The following CTTNBP2 variants were observed in gnomAD, a reference collection of about 807,000 sequenced individuals.
CTTNBP2 encodes cortactin-binding protein 2.
A neutral mutation model predicts 156.9 loss-of-function variants in CTTNBP2; 108 were observed. The ratio of observed to expected loss-of-function variants is 0.69; its 90% CI spans 0.59 to 0.81. CTTNBP2 has a LOEUF of 0.81. Ranked by LOEUF, CTTNBP2 falls within the 30% of genes least tolerant of loss-of-function variation. The pLI is 0.00. For synonymous variants in CTTNBP2, 767 were observed against 751.8 expected (o/e 1.02, Z -0.33); for missense variants, 1,924 against 2,035.4 (o/e 0.95, Z 1.05).
chr7:117,807,041 G>C (rs769413357), intron 3 of CTTNBP2, among the ~76,000 whole-genome samples: 4 of 152,134 alleles, frequency 2.6e-5, no homozygotes, highest in Non-Finnish European at 5.9e-5. Flanking sequence ...ACAGGGGTGA[G>C]CCACCATGCC....
intron 7 of CTTNBP2, 70 bp from the exon 8 acceptor site, chr7:117,777,835 T>G (rs1321186346): frequency 6.2e-6 from 9 of 1,453,474 alleles, no homozygotes; most frequent in Non-Finnish European, 7.5e-6. Flanking sequence ...TTATTGAAAG[T>G]TCACTTCTAA....
At chr7:117,789,824 G>T (rs544857226) in intron 4 of CTTNBP2, among the ~76,000 whole-genome samples, 15 of 152,082 alleles carry the variant, frequency 9.9e-5, no homozygotes, top group Non-Finnish European at 1.9e-4. Flanking sequence ...CACCAAAAAT[G>T]CACAATTGTA....
chr7:117,784,035 C>T (rs1385050078), intron 5 of CTTNBP2, among the ~76,000 whole-genome samples: 1 of 152,124 alleles, frequency 6.6e-6, no homozygotes, highest in African/African-American at 2.4e-5. Flanking sequence ...TTACTTTTTA[C>T]TAGCTCTGGT....
chr7:117,836,619 TAAGAAATACGTCACTCTTGTACAA>T (rs1176034128), intron 2 of CTTNBP2, among the ~76,000 whole-genome samples: 1 of 152,176 alleles, frequency 6.6e-6, no homozygotes, highest in African/African-American at 2.4e-5. Flanking sequence ...TTGAGAGGGT[TAAGAAATACGTCACTCTTGTACAA>T]AATACCTTAA....
chr7:117,718,345 G>A (rs887574202), intron 21 of CTTNBP2, among the ~76,000 whole-genome samples: 6 of 151,876 alleles, frequency 4.0e-5, no homozygotes, highest in Admixed American at 2.6e-4. Flanking sequence ...CACTTAAAAC[G>A]TCAAAAGAAG....
intron 1 of CTTNBP2, chr7:117,871,793 C>CCACACA (rs10545703): frequency 1.9e-5 from 4 of 211,966 alleles, no homozygotes; most frequent in African/African-American, 1.1e-4. Flanking sequence ...AAGAAACACA[C>CCACACA]CACACACACA....
chr7:117,842,194 C>T (rs1367699205), intron 2 of CTTNBP2, among the ~76,000 whole-genome samples: 3 of 152,148 alleles, frequency 2.0e-5, no homozygotes, highest in African/African-American at 7.2e-5. Flanking sequence ...AAAACTAAAA[C>T]TGCTCCGAAA....
rs1584932725 is a variant in CTTNBP2, at chr7:117,743,899, CTG to C, written c.3535+1930_3535+1931del. Among the ~76,000 whole-genome samples the C allele has an allele frequency of 2.0e-5, 3 of 151,266 alleles. No homozygotes were observed. In the East Asian group the frequency reaches 5.9e-4, roughly 30 times the overall value. ...ACTTTCACTAATTTCTAGCCCAAGACTGGCCTGTGTAGTACAGTGATATTCAG... is the reference window on the plus strand; with the variant it reads ...ACTTTCACTAATTTCTAGCCCAAGACGCCTGTGTAGTACAGTGATATTCAG... On this transcript the variant is annotated intron_variant, in intron 14 of 22. Coordinates refer to ENST00000160373, the MANE Select transcript of CTTNBP2 (RefSeq NM_033427.3).
At chr7:117,844,432 A>G (rs952649250) in intron 2 of CTTNBP2, among the ~76,000 whole-genome samples, 2 of 152,178 alleles carry the variant, frequency 1.3e-5, no homozygotes, top group Non-Finnish European at 2.9e-5. Context: ...GAGAGACAGG[A>G]TGTAGGGTAT....
chr7:117,864,661 AATATATATTCATATATTT>A (rs1048990346), intron 1 of CTTNBP2, among the ~76,000 whole-genome samples: 22 of 103,026 alleles, frequency 2.1e-4, no homozygotes, highest in Admixed American at 5.0e-4. Flanking sequence ...TAGATGTATG[AATATATATTCATATATTT>A]ATATATATTC....
intron 1 of CTTNBP2, 25 bp downstream of exon 1, chr7:117,873,310 G>T (rs1804757856): frequency 5.6e-6 from 8 of 1,420,732 alleles, no homozygotes; most frequent in African/African-American, 1.5e-5. Flanking sequence ...CACTAGCCCC[G>T]CGCCCGCCCC....
At position 117,873,376 on chromosome 7, in the gene CTTNBP2, G is replaced by C; in HGVS notation, c.40C>G (p.Arg14Gly). 1 of 1,484,216 alleles carries C rather than the reference G, an allele frequency of 6.7e-7. No homozygotes were observed. The highest frequency in any genetic ancestry group is 8.9e-7 in the Non-Finnish European group (1 of 1,123,850). The allele number at this position is 1,484,216 out of a possible 1,614,324, so 91.9% of individuals were successfully genotyped here. A position where few individuals can be genotyped will look rare whatever the true frequency, so the allele number is the denominator to read the frequency against. Residue 14 changes from arginine (R) to glycine (G), a missense_variant, in exon 1 of 23, where the codon CGG becomes GGG. By Grantham distance (125) the Arg-to-Gly change is moderately radical. Coordinates refer to ENST00000160373, the MANE Select transcript of CTTNBP2 (RefSeq NM_033427.3). ...GCCCCCGCCGCGTCCTCCGGGGCCC[G>C]GGACAAGTCGGGCTCGCAGCTCGCG... Reference protein sequence around the residue: ...DGASCEPDLSRAPEDAAGAAA... With the variant: ...DGASCEPDLSGAPEDAAGAAA...
chr7:117,796,994 A>G (rs185120743), intron 3 of CTTNBP2, among the ~76,000 whole-genome samples: 12 of 152,352 alleles, frequency 7.9e-5, no homozygotes, highest in African/African-American at 2.6e-4. Flanking sequence ...TAGAAATGAG[A>G]GAAGAGTAAA....
intron 2 of CTTNBP2, among the ~76,000 whole-genome samples, chr7:117,836,408 C>A (rs974637769): frequency 2.6e-5 from 4 of 152,026 alleles, no homozygotes; most frequent in Non-Finnish European, 5.9e-5. Context: ...ACTAAAAATA[C>A]AAAAAATTAG....
At chr7:117,807,267 C>T (rs1800003482) in intron 3 of CTTNBP2, among the ~76,000 whole-genome samples, 1 of 152,136 alleles carries the variant, frequency 6.6e-6, no homozygotes, top group Admixed American at 6.5e-5. Flanking sequence ...TAAATCCTCT[C>T]CTGACAATTT....
In CTTNBP2 at chr7:117,719,614, G is replaced by A. The variant is rs756392237; in HGVS notation, c.4534C>T (p.Leu1512=). ...KQKSLENDLS[L]TLNLDQRLSL... is the part of the protein sequence containing the mutation. ...AGTCTCTGATCCAAATTCAACGTCA[G>A]TGATAGATCATTCTCTAAAGACCTA... The change falls in exon 21 of 23, where the codon CTG becomes TTG. Residue 1512 remains leucine, a synonymous_variant. Transcript: ENST00000160373. 31 of 1,613,556 alleles carry A rather than the reference G, an allele frequency of 1.9e-5. No individual in the cohort carries two copies. In the East Asian group the frequency reaches 6.9e-4, roughly 36 times the overall value.
At chr7:117,865,489 C>T (rs564410409) in intron 1 of CTTNBP2, among the ~76,000 whole-genome samples, 35 of 150,496 alleles carry the variant, frequency 2.3e-4, no homozygotes, top group East Asian at 7.8e-4. Flanking sequence ...GGTGAAACCC[C>T]GTCTCTACTA....
chr7:117,719,359 C>T, intron 21 of CTTNBP2, 145 bp downstream of exon 21: 1 of 709,674 alleles, frequency 1.4e-6, no homozygotes, highest in East Asian at 2.7e-5. Context: ...GAAGAAACGG[C>T]CTTTCTAAGC....
chr7:117,831,686 AAGG>A (rs1801619955), intron 2 of CTTNBP2, among the ~76,000 whole-genome samples: 1 of 37,486 alleles, frequency 2.7e-5, no homozygotes, highest in Non-Finnish European at 7.6e-5. Context: ...TGTTGGCTAG[AAGG>A]AGCCTATTCT....
Sources: allele counts gnomAD v4.1 joint callset (sites outside exome capture counted in the v4.1 genomes callset), GRCh38; gene constraint gnomAD v4.1.1; transcripts MANE v1.5; gene names NCBI Gene and HGNC (gene_info 2026-07-23, HGNC 2026-07-21).